TMEM108: variants seen among roughly 807,000 people sequenced by gnomAD.
The protein encoded by TMEM108 is cancer/testis antigen 124.
In TMEM108, 12 loss-of-function variants were observed where a neutral mutation model predicts 35.1. The ratio of observed to expected loss-of-function variants is 0.34; its 90% CI spans 0.22 to 0.55. TMEM108 has a LOEUF of 0.55. Among genes scored for constraint, TMEM108 ranks in the 20% least tolerant of loss-of-function variants. TMEM108 has a pLI of 0.89. For missense variants in TMEM108, 680 were observed against 753.3 expected, an observed-to-expected ratio of 0.90 and a Z score of 1.14; for synonymous variants, 287 against 308.6, an observed-to-expected ratio of 0.93 and a Z score of 0.73.
At chr3:133,167,489 C>T (rs535775481) in intron 2 of TMEM108, among the ~76,000 whole-genome samples, 37 of 152,362 alleles carry the variant, frequency 2.4e-4, no homozygotes, top group Non-Finnish European at 4.6e-4. Context: ...AGGAGCCCAC[C>T]GTGGGGGGAC....
At chr3:133,052,186 A>G (rs1943413505) in intron 2 of TMEM108, among the ~76,000 whole-genome samples, 2 of 152,142 alleles carry the variant, frequency 1.3e-5, no homozygotes, top group African/African-American at 4.8e-5. Context: ...TTCCTCATAT[A>G]GATCTTGTAC....
At chr3:133,121,870 A>G (rs942039176) in intron 2 of TMEM108, among the ~76,000 whole-genome samples, 3 of 152,118 alleles carry the variant, frequency 2.0e-5, no homozygotes, top group South Asian at 2.1e-4. Context: ...GCAATGCTCT[A>G]TTTTTTTAAC....
chr3:133,371,459 C>T (rs1019953010), intron 3 of TMEM108, among the ~76,000 whole-genome samples: 2 of 152,048 alleles, frequency 1.3e-5, no homozygotes, highest in African/African-American at 4.8e-5. Flanking sequence ...TTCCTTTCCA[C>T]ATGGGCCCCT....
chr3:133,181,633 A>C (rs1945346773), intron 2 of TMEM108, among the ~76,000 whole-genome samples: 3 of 152,166 alleles, frequency 2.0e-5, no homozygotes, highest in South Asian at 4.1e-4. Flanking sequence ...ATTTAAATGG[A>C]ACATATGGGG....
chr3:133,160,925 G>A (rs763978895), intron 2 of TMEM108, among the ~76,000 whole-genome samples: 2 of 152,176 alleles, frequency 1.3e-5, no homozygotes, highest in Non-Finnish European at 2.9e-5. Context: ...CTGAGCCCCT[G>A]TAATGGCCTC....
chr3:133,057,343 T>TTAAATTTTTTC (rs146663808), intron 2 of TMEM108, among the ~76,000 whole-genome samples: 1 of 150,226 alleles, frequency 6.7e-6, no homozygotes, highest in Non-Finnish European at 1.5e-5. Flanking sequence ...TAAATTTTTT[T>TTAAATTTTTTC]TCTACTCAAA....
rs564051856 is a variant in TMEM108 at position 133,332,777 on chromosome 3, T to C, written c.41-46975T>C. Among the ~76,000 whole-genome samples the C allele has an allele frequency of 2.0e-5, 3 of 152,344 alleles. No individual in the cohort carries two copies. In the East Asian group the frequency reaches 5.8e-4, roughly 29 times the overall value. On this transcript the variant is annotated intron_variant, in intron 3 of 5. Coordinates refer to ENST00000321871, the MANE Select transcript of TMEM108 (RefSeq NM_023943.4). ...CTTTAAGTTGATCATTCACACTGCA[T>C]AGCATGTTCCTTTAACCAAGAAACC...
chr3:133,311,164 C>A lies in TMEM108; in HGVS notation c.41-68588C>A, dbSNP rs184107974. On this transcript the variant is annotated intron_variant, in intron 3 of 5. Coordinates refer to ENST00000321871, the MANE Select transcript of TMEM108 (RefSeq NM_023943.4). ...CCCTTCACATTTTTTCCTTCATTTC[C>A]ACCTTAGTGAATCTGACAATTATGT... Among the ~76,000 whole-genome samples, 43 of 152,244 alleles carry A rather than the reference C, an allele frequency of 2.8e-4. No homozygotes were observed. In the East Asian group the frequency reaches 8.3e-3, roughly 29 times the overall value.
intron 4 of TMEM108, among the ~76,000 whole-genome samples, chr3:133,384,751 G>A (rs1323190644): frequency 2.0e-5 from 3 of 152,292 alleles, no homozygotes; most frequent in East Asian, 1.9e-4. Context: ...TTTCATGAGC[G>A]TGTCAGTTTT....
intron 2 of TMEM108, among the ~76,000 whole-genome samples, chr3:133,201,760 T>C (rs890648804): frequency 7.9e-5 from 12 of 152,226 alleles, no homozygotes; most frequent in African/African-American, 2.9e-4. Context: ...GCAGTAAACA[T>C]ACATGTGCAT....
intron 2 of TMEM108, among the ~76,000 whole-genome samples, chr3:133,057,377 T>C: frequency 6.7e-6 from 1 of 150,012 alleles, no homozygotes; most frequent in Non-Finnish European, 1.5e-5. Context: ...TGCTTATATT[T>C]TTCTAGTTTG....
intron 2 of TMEM108, among the ~76,000 whole-genome samples, chr3:133,063,845 C>A (rs1434787295): frequency 6.6e-6 from 1 of 152,090 alleles, no homozygotes; most frequent in South Asian, 2.1e-4. Context: ...GAGGGGCTGC[C>A]TTGAGACCAA....
intron 2 of TMEM108, among the ~76,000 whole-genome samples, chr3:133,122,714 T>A (rs1944368333): frequency 6.6e-6 from 1 of 151,768 alleles, no homozygotes; most frequent in Non-Finnish European, 1.5e-5. Flanking sequence ...ATACAAAAAA[T>A]TAGCTCGGTG....
rs141474291 is a variant in TMEM108 at position 133,098,033 on chromosome 3, G to A, written c.-47+52013G>A. 1.7e-3 allele frequency among the ~76,000 whole-genome samples: 266 copies of A among 152,264 alleles called. 1 individual carries two copies. The highest frequency in any genetic ancestry group is 5.8e-3 in the African/African-American group (242 of 41,550). Reference sequence around the variant, plus strand: ...AGCCTGGATGGATACTCACCAATAGGATACATTACCTAAATCCAAAAGAGG... The same window carrying A: ...AGCCTGGATGGATACTCACCAATAGAATACATTACCTAAATCCAAAAGAGG... On this transcript the variant is annotated intron_variant, in intron 2 of 5. Transcript: ENST00000321871.
chr3:133,264,189 G>T (rs760915340), intron 3 of TMEM108, among the ~76,000 whole-genome samples: 51 of 152,132 alleles, frequency 3.4e-4, no homozygotes, highest in Admixed American at 7.2e-4. Context: ...AAAATTAGCT[G>T]AGTGTGGTGG....
intron 2 of TMEM108, among the ~76,000 whole-genome samples, chr3:133,120,487 T>C (rs781270928): frequency 3.9e-5 from 6 of 152,228 alleles, no homozygotes; most frequent in Non-Finnish European, 7.3e-5. Context: ...TGAGTTGCTG[T>C]GTGCCTGGTT....
At chr3:133,220,282 AT>A (rs113884324) in intron 2 of TMEM108, among the ~76,000 whole-genome samples, 3,017 of 147,606 alleles carry the variant, frequency 0.02, 112 homozygotes, top group African/African-American at 0.069. Flanking sequence ...TCATCCAGTC[AT>A]TTTTTTTTTA....
intron 2 of TMEM108, among the ~76,000 whole-genome samples, chr3:133,156,136 T>C (rs1366456502): frequency 2.0e-5 from 3 of 151,720 alleles, no homozygotes; most frequent in Non-Finnish European, 4.4e-5. Flanking sequence ...AGGCCTACAC[T>C]TAATTTTTCT....
rs556752251 is a variant in TMEM108, at chr3:133,173,769, C to T, written c.-46-55497C>T. 2.1e-3 allele frequency among the ~76,000 whole-genome samples: 325 copies of T among 152,280 alleles called. 2 individuals carry two copies. Among genetic ancestry groups the T allele is most frequent in the Non-Finnish European group, 3.1e-3 (209 of 68,028 alleles). ...AGTCTACAGCTCCCAGCATGAGTGACGCAGAAGATGGGTGATTTCTGCATA... is the reference window on the plus strand; with the variant it reads ...AGTCTACAGCTCCCAGCATGAGTGATGCAGAAGATGGGTGATTTCTGCATA... On this transcript the variant is annotated intron_variant, in intron 2 of 5. Transcript: ENST00000321871.
Sources: allele counts gnomAD v4.1 joint callset (sites outside exome capture counted in the v4.1 genomes callset), GRCh38; gene constraint gnomAD v4.1.1; transcripts MANE v1.5; gene names NCBI Gene and HGNC (gene_info 2026-07-23, HGNC 2026-07-21).